Variants in CLASP2 observed in about 807,000 individuals in gnomAD.
The protein encoded by CLASP2 is CLIP-associating protein 2.
Under a neutral mutation model 194.4 loss-of-function variants are expected in CLASP2, and 47 were observed. That is an observed-to-expected ratio of 0.24 (90% CI 0.19 to 0.31). The LOEUF (loss-of-function observed/expected upper bound fraction) is 0.31. Ranked by LOEUF, CLASP2 falls within the 10% of genes least tolerant of loss-of-function variation. The pLI is 1.00. For missense variants in CLASP2, 1,445 were observed against 1,823.6 expected (o/e 0.79, Z 3.78); for synonymous variants, 619 against 633.5 (o/e 0.98, Z 0.34).
intron 34 of CLASP2, among the ~76,000 whole-genome samples, chr3:33,534,909 G>A (rs111957484): frequency 0.018 from 2,733 of 152,198 alleles, 76 homozygotes; most frequent in African/African-American, 0.062. Context: ...TTTTGTCATC[G>A]TGGTATAAAA....
At chr3:33,597,476 G>A (rs937198530) in intron 18 of CLASP2, among the ~76,000 whole-genome samples, 3 of 152,186 alleles carry the variant, frequency 2.0e-5, no homozygotes, top group African/African-American at 7.2e-5. Flanking sequence ...TTAAGTGTGT[G>A]TGCAGAAGTT....
intron 25 of CLASP2, among the ~76,000 whole-genome samples, chr3:33,571,164 C>A (rs1291875693): frequency 6.6e-6 from 1 of 151,660 alleles, no homozygotes; most frequent in Non-Finnish European, 1.5e-5. Context: ...CAGGCGCCCG[C>A]CACCTCGCCC....
At chr3:33,592,911 T>C (rs1437126654) in intron 20 of CLASP2, among the ~76,000 whole-genome samples, 1 of 152,226 alleles carries the variant, frequency 6.6e-6, no homozygotes, top group African/African-American at 2.4e-5. Context: ...AACCATCCTT[T>C]TGACTGAAAA....
At chr3:33,585,059 C>A in intron 21 of CLASP2, 139 bp from the exon 22 acceptor site, 2 of 607,174 alleles carry the variant, frequency 3.3e-6, no homozygotes, top group Non-Finnish European at 5.2e-6. Context: ...GGAAATAGAC[C>A]GAGGAAGATT....
chr3:33,603,520 A>G (rs1261163077), intron 17 of CLASP2, among the ~76,000 whole-genome samples: 1 of 152,260 alleles, frequency 6.6e-6, no homozygotes, highest in Non-Finnish European at 1.5e-5. Flanking sequence ...AAACTAGTCC[A>G]GGAGTAGAGA....
At chr3:33,595,081 A>G in intron 19 of CLASP2, 113 bp from the exon 20 acceptor site, 1 of 539,824 alleles carries the variant, frequency 1.9e-6, no homozygotes. Context: ...CAAAAAATTA[A>G]CTTTTAGTCT....
intron 24 of CLASP2, chr3:33,574,362 A>G (rs2154196697): frequency 7.6e-6 from 5 of 657,706 alleles, no homozygotes; most frequent in Middle Eastern, 3.2e-4. Flanking sequence ...ATGTATGTCT[A>G]AGGATTTTAC....
At chr3:33,670,374 T>G (rs2086933238) in intron 6 of CLASP2, among the ~76,000 whole-genome samples, 1 of 152,206 alleles carries the variant, frequency 6.6e-6, no homozygotes, top group Non-Finnish European at 1.5e-5. Flanking sequence ...ATTTATAGAT[T>G]TGTATACTAA....
rs372358898 is a variant in CLASP2, at chr3:33,590,483, T to C, written c.2068+1912A>G. 4.6e-5 allele frequency among the ~76,000 whole-genome samples: 7 copies of C among 152,294 alleles called. No individual in the cohort carries two copies. The South Asian group carries it at 1.4e-3, about 32-fold the overall frequency. On this transcript the variant is annotated intron_variant, in intron 21 of 38. Transcript: ENST00000682230. Reference sequence around the variant, plus strand: ...CTAATACTGGTCTGGGCAGCACATATGGAAGCACACGTCTTCTAACTACTA... The same window carrying C: ...CTAATACTGGTCTGGGCAGCACATACGGAAGCACACGTCTTCTAACTACTA...
chr3:33,673,423 A>T (rs2087802406), intron 6 of CLASP2, among the ~76,000 whole-genome samples: 1 of 152,192 alleles, frequency 6.6e-6, no homozygotes, highest in African/African-American at 2.4e-5. Context: ...GGCCTGCCCT[A>T]AAAGAGCTCC....
At chr3:33,593,828 C>T (rs1044952756) in intron 20 of CLASP2, among the ~76,000 whole-genome samples, 14 of 152,074 alleles carry the variant, frequency 9.2e-5, no homozygotes, top group African/African-American at 2.4e-4. Context: ...TTCCACAGTG[C>T]GAGAAATCAT....
At chr3:33,543,937 T>G (rs1559948089) in intron 31 of CLASP2, among the ~76,000 whole-genome samples, 1 of 152,188 alleles carries the variant, frequency 6.6e-6, no homozygotes, top group Non-Finnish European at 1.5e-5. Context: ...ATATGTCTAT[T>G]CTTAAGATAT....
At chr3:33,636,621 C>A (rs563390809) in intron 8 of CLASP2, among the ~76,000 whole-genome samples, 3 of 152,078 alleles carry the variant, frequency 2.0e-5, no homozygotes, top group Non-Finnish European at 4.4e-5. Context: ...TTATTTATTG[C>A]GACAGAGTTT....
intron 30 of CLASP2, among the ~76,000 whole-genome samples, chr3:33,549,742 CTT>C (rs139359537): frequency 1.3e-4 from 18 of 142,186 alleles, no homozygotes; most frequent in African/African-American, 1.0e-4. Flanking sequence ...TACTTTTTTT[CTT>C]TTTTTTTTTT....
chr3:33,596,680 C>A, intron 19 of CLASP2, 31 bp downstream of exon 19: 1 of 1,506,726 alleles, frequency 6.6e-7, no homozygotes, highest in East Asian at 2.4e-5. Context: ...CCATAAAAAT[C>A]TTTAGTAGAA....
At chr3:33,610,166 G>C (rs917420771) in intron 13 of CLASP2, among the ~76,000 whole-genome samples, 1 of 152,148 alleles carries the variant, frequency 6.6e-6, no homozygotes, top group Non-Finnish European at 1.5e-5. Flanking sequence ...ATTAAACAAT[G>C]CTTTTCATTG....
intron 18 of CLASP2, 31 bp from the exon 19 acceptor site, chr3:33,596,765 GA>G: frequency 1.3e-6 from 2 of 1,522,820 alleles, no homozygotes; most frequent in Non-Finnish European, 1.8e-6. Flanking sequence ...AAGAACAGAG[GA>G]AAACTTAGTA....
At chr3:33,661,696 A>G (rs985962638) in intron 7 of CLASP2, among the ~76,000 whole-genome samples, 1 of 152,354 alleles carries the variant, frequency 6.6e-6, no homozygotes, top group East Asian at 1.9e-4. Flanking sequence ...GAACGTCATC[A>G]AGGCCACAGG....
intron 10 of CLASP2, among the ~76,000 whole-genome samples, chr3:33,624,418 C>A (rs2077635461): frequency 6.6e-6 from 1 of 151,884 alleles, no homozygotes; most frequent in African/African-American, 2.4e-5. Flanking sequence ...AAATAAAAAT[C>A]ACAATATGGT....
Sources: allele counts gnomAD v4.1 joint callset (sites outside exome capture counted in the v4.1 genomes callset), GRCh38; gene constraint gnomAD v4.1.1; transcripts MANE v1.5; gene names NCBI Gene and HGNC (gene_info 2026-07-23, HGNC 2026-07-21).